The following ZBTB17 variants were observed in gnomAD, a reference collection of about 807,000 sequenced individuals.
The protein encoded by ZBTB17 is zinc finger and BTB domain containing 17, also known as zinc finger and BTB domain-containing protein 17.
A neutral mutation model predicts 85.1 loss-of-function variants in ZBTB17; 24 were observed. The observed-to-expected ratio is 0.28, with a 90% CI of 0.20 to 0.40. The LOEUF (loss-of-function observed/expected upper bound fraction) is 0.40. ZBTB17 is among the 10% of genes least tolerant of loss of function. ZBTB17 has a pLI of 1.00. For missense variants in ZBTB17, 743 were observed against 1,105.1 expected, an observed-to-expected ratio of 0.67 and a Z score of 4.65; for synonymous variants, 464 against 460.2, an observed-to-expected ratio of 1.01 and a Z score of -0.11.
intron 1 of ZBTB17, among the ~76,000 whole-genome samples, chr1:15,975,396 T>C (rs1052850665): frequency 2.0e-5 from 3 of 152,204 alleles, no homozygotes; most frequent in Non-Finnish European, 2.9e-5. Context: ...TTCACACTCC[T>C]AACTCCAGGA....
At position 15,946,257 on chromosome 1, in the gene ZBTB17, G is replaced by C. The variant is rs147654293; in HGVS notation, c.432C>G (p.Thr144=). The change falls in exon 5 of 16, where the codon ACC becomes ACG. Residue 144 remains threonine, a synonymous_variant. Coordinates refer to ENST00000375743, the MANE Select transcript of ZBTB17 (RefSeq NM_003443.3). Reference sequence around the variant, plus strand: ...CCTGCTCCAGCCTGCTCAGCGTGCTGGTGGCCACCTTCTCCTCTTTGGCTC... The same window carrying C: ...CCTGCTCCAGCCTGCTCAGCGTGCTCGTGGCCACCTTCTCCTCTTTGGCTC... ...DKRAKEEKVA[T]STLSRLEQAG... The C allele has an allele frequency of 1.1e-5, 17 of 1,613,796 alleles. No individual in the cohort carries two copies. Among genetic ancestry groups the C allele is most frequent in the Non-Finnish European group, 1.4e-5 (16 of 1,179,952 alleles).
chr1:15,943,215 A>G, intron 12 of ZBTB17, 21 bp from the exon 13 acceptor site: 1 of 1,613,966 alleles, frequency 6.2e-7, no homozygotes, highest in Non-Finnish European at 8.5e-7. Flanking sequence ...ACAGGAAGGG[A>G]CTCGCATGGA....
In ZBTB17 at chr1:15,944,945, T is replaced by G; in HGVS notation, c.919A>C (p.Lys307Gln). The change falls in exon 7 of 16, where the codon AAG becomes CAG. Residue 307 changes from lysine to glutamine, a missense_variant. Coordinates refer to ENST00000375743, the MANE Select transcript of ZBTB17 (RefSeq NM_003443.3). ...ESKAYGSVIH[K>Q]CEDCGKEFTH... is the part of the protein sequence containing the mutation. The stretch of plus-strand genomic sequence containing the variant: ...GCCATAGTCTCCCTCACCTCGCACT[T>G]GTGGATGACGGAGCCGTAGGCCTTG... 1.3e-6 allele frequency: 2 copies of G among 1,576,872 alleles called. No individual in the cohort carries two copies. The highest frequency in any genetic ancestry group is 2.3e-5 in the South Asian group (2 of 86,896).
chr1:15,958,942 C>A (rs2148793433), intron 2 of ZBTB17, among the ~76,000 whole-genome samples: 1 of 152,276 alleles, frequency 6.6e-6, no homozygotes, highest in African/African-American at 2.4e-5. Flanking sequence ...TCAGTGACAA[C>A]CTTGGCAGTC....
At chr1:15,954,419 A>G (rs2071972995) in intron 2 of ZBTB17, among the ~76,000 whole-genome samples, 1 of 152,194 alleles carries the variant, frequency 6.6e-6, no homozygotes, top group South Asian at 2.1e-4. Flanking sequence ...GGCTCCCAGA[A>G]CAAGCTGCTC....
chr1:15,947,214 G>T, intron 3 of ZBTB17, 91 bp from the exon 4 acceptor site: 1 of 1,351,808 alleles, frequency 7.4e-7, no homozygotes. Context: ...AGGACGCAGG[G>T]ATTTAGGAAC....
rs1373535806 is a variant in ZBTB17 at position 15,953,298 on chromosome 1, C to T, written c.-2-4801G>A. Among the ~76,000 whole-genome samples the T allele has an allele frequency of 1.3e-5, 2 of 152,052 alleles. No homozygotes were observed. The highest frequency in any genetic ancestry group is 2.9e-5 in the Non-Finnish European group (2 of 68,018). On this transcript the variant is annotated intron_variant, in intron 2 of 15. Transcript: ENST00000375743. This position sits in a 1 kb window ranked among gnomAD's most constrained non-coding sequence, Gnocchi z 5.1. ...AAAGTGCTGGGATTACAGGCGTGTGCTACTGCACCCAGCCATTTTTCAAAA... is the reference window on the plus strand; with the variant it reads ...AAAGTGCTGGGATTACAGGCGTGTGTTACTGCACCCAGCCATTTTTCAAAA...
chr1:15,941,986 G>A lies in ZBTB17; in HGVS notation c.2395C>T (p.Pro799Ser). Residue 799 changes from proline to serine, a missense_variant, in exon 16 of 16, where the codon CCC becomes TCC. By Grantham distance (74) the Pro-to-Ser change is moderately conservative (BLOSUM62 -1). Transcript: ENST00000375743. ...AETSPTAPEC[P>S]PPAE ...CCGCCAGCTCACTCGGCAGGCGGGG[G>A]ACATTCAGGAGCTGTAGGGGAGGTC... The A allele has an allele frequency of 6.3e-7, 1 of 1,597,820 alleles. No homozygotes were observed.
At chr1:15,971,550 CT>C (rs2072682628) in intron 2 of ZBTB17, among the ~76,000 whole-genome samples, 1 of 74,420 alleles carries the variant, frequency 1.3e-5, no homozygotes, top group Non-Finnish European at 2.6e-5. Context: ...TACACACACA[CT>C]ATATATATAC....
rs1206967051 is a variant in ZBTB17 at position 15,952,502 on chromosome 1, G to A, written c.-2-4005C>T. On this transcript the variant is annotated intron_variant, in intron 2 of 15. Transcript: ENST00000375743. This position sits in a 1 kb window ranked among gnomAD's most constrained non-coding sequence, Gnocchi z 4.3. ...CAGGATGGCCAGCCATTCCTCCCCTGCCAGGGCCCACCACGCCTCCCATGG... is the reference window on the plus strand; with the variant it reads ...CAGGATGGCCAGCCATTCCTCCCCTACCAGGGCCCACCACGCCTCCCATGG... Among the ~76,000 whole-genome samples the A allele has an allele frequency of 1.3e-5, 2 of 152,232 alleles. No homozygotes were observed. Among genetic ancestry groups the A allele is most frequent in the African/African-American group, 4.8e-5 (2 of 41,456 alleles).
chr1:15,965,634 CTGTT>C (rs1310949047), intron 2 of ZBTB17, among the ~76,000 whole-genome samples: 1 of 152,198 alleles, frequency 6.6e-6, no homozygotes, highest in East Asian at 1.9e-4. Context: ...AACAGTGGCA[CTGTT>C]TGTCTCAGCA....
Position 15,944,020 on chromosome 1 carries a change from C to T in ZBTB17, c.1372-125G>A. 4.6e-6 allele frequency: 5 copies of T among 1,077,222 alleles called. No individual in the cohort carries two copies. The South Asian group carries it at 6.7e-5, about 15-fold the overall frequency. 66.7% of individuals were successfully genotyped at this position (1,077,222 alleles called of 1,614,324 possible). ...CCAGGGTCCGTGAAGGGCTCTATCTCTCCTGGGTCAGGAGAGGTCCCAGGT... is the reference window on the plus strand; with the variant it reads ...CCAGGGTCCGTGAAGGGCTCTATCTTTCCTGGGTCAGGAGAGGTCCCAGGT... On this transcript the variant is annotated intron_variant, in intron 9 of 15. Coordinates refer to ENST00000375743, the MANE Select transcript of ZBTB17 (RefSeq NM_003443.3).
At position 15,952,606 on chromosome 1, in the gene ZBTB17, C is replaced by A. The variant is rs1448690528; in HGVS notation, c.-2-4109G>T. Among the ~76,000 whole-genome samples, 1 of 152,214 alleles carries A rather than the reference C, an allele frequency of 6.6e-6. No homozygotes were observed. The highest frequency in any genetic ancestry group is 2.4e-5 in the African/African-American group (1 of 41,450). ...CTGACATCAGGATGCTGGGACTGTGCCAATTCCAGACCTAAACCTAAAGAA... is the reference window on the plus strand; with the variant it reads ...CTGACATCAGGATGCTGGGACTGTGACAATTCCAGACCTAAACCTAAAGAA... On this transcript the variant is annotated intron_variant, in intron 2 of 15. Transcript: ENST00000375743. This position sits in a 1 kb window ranked among gnomAD's most constrained non-coding sequence, Gnocchi z 4.3.
intron 3 of ZBTB17, among the ~76,000 whole-genome samples, chr1:15,947,622 G>A (rs949101151): frequency 6.6e-6 from 1 of 152,112 alleles, no homozygotes; most frequent in African/African-American, 2.4e-5. Context: ...ATTGAGGACG[G>A]ATGTTGTGAA....
rs2071872054 is a variant in ZBTB17, at chr1:15,951,992, G to A, written c.-2-3495C>T. ...CTGCCCCACCCCACCCTTGGAATAC[G>A]GTGCCCATCGCTCAAGCACAAGTGT... On this transcript the variant is annotated intron_variant, in intron 2 of 15. Coordinates refer to ENST00000375743, the MANE Select transcript of ZBTB17 (RefSeq NM_003443.3). This position sits in a 1 kb window ranked among gnomAD's most constrained non-coding sequence, Gnocchi z 4.1. 1.3e-5 allele frequency among the ~76,000 whole-genome samples: 2 copies of A among 152,090 alleles called. No individual in the cohort carries two copies. The highest frequency in any genetic ancestry group is 6.6e-5 in the Admixed American group (1 of 15,262).
rs1003187445 is a variant in ZBTB17, at chr1:15,952,069, A to G, written c.-2-3572T>C. On this transcript the variant is annotated intron_variant, in intron 2 of 15. Coordinates refer to ENST00000375743, the MANE Select transcript of ZBTB17 (RefSeq NM_003443.3). This position sits in a 1 kb window ranked among gnomAD's most constrained non-coding sequence, Gnocchi z 4.3. The stretch of plus-strand genomic sequence containing the variant: ...TGCGTGATGGGCGATAAATATGTGC[A>G]CTAGTTAAAGCAACTTCTAAGGAAG... Among the ~76,000 whole-genome samples the G allele has an allele frequency of 1.3e-5, 2 of 152,234 alleles. No individual in the cohort carries two copies. Among genetic ancestry groups the G allele is most frequent in the African/African-American group, 4.8e-5 (2 of 41,454 alleles).
At chr1:15,956,274 C>A (rs2072041111) in intron 2 of ZBTB17, among the ~76,000 whole-genome samples, 1 of 152,224 alleles carries the variant, frequency 6.6e-6, no homozygotes, top group Non-Finnish European at 1.5e-5. Flanking sequence ...AATAAACTCA[C>A]TGCAAGGTGG....
At position 15,945,200 on chromosome 1, in the gene ZBTB17, T is replaced by C. The variant is rs1343825914; in HGVS notation, c.664A>G (p.Met222Val). The C allele has an allele frequency of 1.9e-6, 3 of 1,552,154 alleles. No homozygotes were observed. The highest frequency in any genetic ancestry group is 2.6e-6 in the Non-Finnish European group (3 of 1,147,576). The change falls in exon 7 of 16, where the codon ATG becomes GTG. Residue 222 changes from methionine to valine, a missense_variant and splice_region_variant. By Grantham distance (21) the Met-to-Val change is conservative. Coordinates refer to ENST00000375743, the MANE Select transcript of ZBTB17 (RefSeq NM_003443.3). ...CCTTTCCGGGCGGGCTCCACCTCCA[T>C]TTCTGCGGAGAAAAGGGCAAGCATG... ...AALSESSEQE[M>V]EVEPARKGEE...
At position 15,944,685 on chromosome 1, in the gene ZBTB17, T is replaced by G. The variant is rs848216; in HGVS notation, c.1070+12A>C. ...GCAGGGGCCGGGGTAGGAGGCCGGC[T>G]TGGGGCAGTACCTGTGCGTCTTCTC... On this transcript the variant is annotated intron_variant, in intron 8 of 15. Transcript: ENST00000375743. The G allele has an allele frequency of 8.7e-6, 14 of 1,605,426 alleles. No individual in the cohort carries two copies. Among genetic ancestry groups the G allele is most frequent in the Non-Finnish European group, 1.2e-5 (14 of 1,179,770 alleles).
Sources: allele counts gnomAD v4.1 joint callset (sites outside exome capture counted in the v4.1 genomes callset), GRCh38; gene constraint gnomAD v4.1.1; non-coding constraint Gnocchi (gnomAD v3.1); transcripts MANE v1.5; gene names NCBI Gene and HGNC (gene_info 2026-07-23, HGNC 2026-07-21).